HIVEP1: variants seen among roughly 807,000 people sequenced by gnomAD.
HIVEP1 encodes the protein zinc finger protein 40.
A neutral mutation model predicts 180.0 loss-of-function variants in HIVEP1; 36 were observed. That is an observed-to-expected ratio of 0.20 (90% confidence interval 0.15 to 0.26). HIVEP1 has a LOEUF of 0.26. Among genes scored for constraint, HIVEP1 ranks in the 10% least tolerant of loss-of-function variants. The pLI is 1.00. For synonymous variants in HIVEP1, 1,239 were observed against 1,239.0 expected (o/e 1.00, Z 0.00); for missense variants, 3,143 against 3,268.7 (o/e 0.96, Z 0.94).
intron 7 of HIVEP1, 48 bp downstream of exon 7, chr6:12,135,940 A>G (rs763603608): frequency 3.1e-6 from 4 of 1,292,344 alleles, no homozygotes; most frequent in South Asian, 1.2e-5. Flanking sequence ...ATAATGTACA[A>G]TTTTTTTGCT....
chr6:12,123,415 A>T lies in HIVEP1; in HGVS notation c.3620A>T (p.Gln1207Leu), dbSNP rs776337844. 1 of 1,614,214 alleles carries T rather than the reference A, an allele frequency of 6.2e-7. No individual in the cohort carries two copies. The highest frequency in any genetic ancestry group is 2.2e-5 in the East Asian group (1 of 44,882). Residue 1207 changes from glutamine to leucine, a missense_variant, in exon 4 of 9, where the codon CAG becomes CTG. Gln to Leu is a moderately radical substitution (Grantham distance 113). This residue lies in a region of HIVEP1 where 1,357 missense variants were observed against 1,260.5 expected (regional missense o/e 1.08). Coordinates refer to ENST00000379388, the MANE Select transcript of HIVEP1 (RefSeq NM_002114.4). ...TCAGACGCTCTCAGAGGAGAACTTC[A>T]GGAAAGCTCCAGAAAGAGTCCAAGT... ...ALSDALRGEL[Q>L]ESSRKSPSER... is the part of the protein sequence containing the mutation.
At chr6:12,066,109 A>G (rs1187416142) in intron 2 of HIVEP1, among the ~76,000 whole-genome samples, 2 of 152,110 alleles carry the variant, frequency 1.3e-5, no homozygotes, top group Admixed American at 6.5e-5. Flanking sequence ...GGCATCCCTA[A>G]AAGGCAGTGT....
intron 3 of HIVEP1, among the ~76,000 whole-genome samples, chr6:12,099,277 C>T (rs1230264586): frequency 1.3e-5 from 2 of 150,990 alleles, no homozygotes; most frequent in South Asian, 2.1e-4. Context: ...ACGCCATTCT[C>T]CTGCCTCAGC....
chr6:12,011,809 G>C (rs1417364458), upstream of HIVEP1, among the ~76,000 whole-genome samples: 12 of 147,446 alleles, frequency 8.1e-5, no homozygotes, highest in South Asian at 2.5e-3. Context: ...GCTGGGCCCC[G>C]GCGCCTGGGC....
At chr6:12,009,196 G>T (rs1027802366), upstream of HIVEP1, among the ~76,000 whole-genome samples, 1 of 147,278 alleles carries the variant, frequency 6.8e-6, no homozygotes, top group African/African-American at 2.4e-5. Flanking sequence ...GCCGCGCCAG[G>T]GGGGTGCCTG....
chr6:12,023,095 T>C (rs1371051568), intron 2 of HIVEP1, among the ~76,000 whole-genome samples: 1 of 152,188 alleles, frequency 6.6e-6, no homozygotes, highest in East Asian at 1.9e-4. Context: ...AGTGAAGTGC[T>C]CTCCTTAGGT....
intron 7 of HIVEP1, among the ~76,000 whole-genome samples, chr6:12,152,962 C>T (rs1012854463): frequency 4.6e-5 from 7 of 152,066 alleles, no homozygotes; most frequent in Admixed American, 1.3e-4. Flanking sequence ...ATATGGTGTT[C>T]GTTTTAAATT....
intron 5 of HIVEP1, 142 bp from the exon 6 acceptor site, chr6:12,130,625 T>G: frequency 3.9e-6 from 2 of 511,436 alleles, no homozygotes; most frequent in Non-Finnish European, 7.1e-6. Flanking sequence ...AGCTGGAATA[T>G]TCTGTTACAC....
At chr6:12,169,402 G>A (rs1388648377), downstream of HIVEP1, among the ~76,000 whole-genome samples, 1 of 152,132 alleles carries the variant, frequency 6.6e-6, no homozygotes, top group African/African-American at 2.4e-5. Context: ...TCTGCTCCTA[G>A]GTGTTCACTG....
At chr6:12,191,980 A>G in the HIVEP1 span, among the ~76,000 whole-genome samples, 306 of 152,354 alleles carry the variant, frequency 2.0e-3, 2 homozygotes, top group African/African-American at 6.8e-3. Flanking sequence ...TCTCACAGCT[A>G]ATTAGGGGCT....
intron 7 of HIVEP1, 44 bp from the exon 8 acceptor site, chr6:12,161,395 C>A (rs45516292): frequency 0.039 from 61,314 of 1,560,934 alleles, 1,387 homozygotes; most frequent in Middle Eastern, 0.048. Flanking sequence ...CACTTGTGCA[C>A]TTGGAAAGCA....
the HIVEP1 span, among the ~76,000 whole-genome samples, chr6:12,181,208 A>C: frequency 6.6e-6 from 1 of 151,658 alleles, no homozygotes; most frequent in South Asian, 2.1e-4. Context: ...AAAACACAAA[A>C]AATTAGCCGG....
At chr6:12,082,802 C>A (rs1309870411) in intron 2 of HIVEP1, among the ~76,000 whole-genome samples, 1 of 152,112 alleles carries the variant, frequency 6.6e-6, no homozygotes, top group Non-Finnish European at 1.5e-5. Flanking sequence ...TGTTCATCTT[C>A]GAGTATCCTT....
intron 2 of HIVEP1, among the ~76,000 whole-genome samples, chr6:12,043,958 G>A (rs1287451650): frequency 6.6e-6 from 1 of 151,770 alleles, no homozygotes; most frequent in African/African-American, 2.4e-5. Context: ...GGTGGATCTC[G>A]GGTGTGGAGG....
chr6:12,064,726 G>T (rs982669113), intron 2 of HIVEP1, among the ~76,000 whole-genome samples: 1 of 152,102 alleles, frequency 6.6e-6, no homozygotes, highest in African/African-American at 2.4e-5. Context: ...TTCATTTTTT[G>T]TGTGTCCCCT....
intron 2 of HIVEP1, among the ~76,000 whole-genome samples, chr6:12,019,833 C>T (rs1015800321): frequency 5.9e-5 from 9 of 152,058 alleles, no homozygotes; most frequent in Admixed American, 2.6e-4. Context: ...TAACATGTAT[C>T]TTTCAGGAAT....
At chr6:12,169,672 C>T (rs1581826077), downstream of HIVEP1, among the ~76,000 whole-genome samples, 1 of 152,162 alleles carries the variant, frequency 6.6e-6, no homozygotes, top group Middle Eastern at 3.4e-3. Context: ...CAGGGGATTG[C>T]TGTATTTTGA....
chr6:12,057,310 G>A (rs1331785925), intron 2 of HIVEP1, among the ~76,000 whole-genome samples: 1 of 152,124 alleles, frequency 6.6e-6, no homozygotes, highest in Admixed American at 6.5e-5. Context: ...TAAATCAACA[G>A]ATAGTAAAAA....
intron 2 of HIVEP1, among the ~76,000 whole-genome samples, chr6:12,017,798 T>G (rs2113581028): frequency 6.6e-6 from 1 of 152,342 alleles, no homozygotes; most frequent in East Asian, 1.9e-4. Context: ...GATTGGTGTA[T>G]TCACAATCCC....
Sources: gnomAD v4.1 joint callset for allele counts (sites outside exome capture counted in the v4.1 genomes callset) on GRCh38, gnomAD v4.1.1 for gene constraint, gnomAD v4.1.1 regional missense constraint, MANE v1.5 for transcripts, NCBI Gene and HGNC (gene_info 2026-07-23, HGNC 2026-07-21) for gene names.